Variants in WNT7B observed in about 807,000 individuals in gnomAD.
WNT7B encodes protein Wnt-7b.
A neutral mutation model predicts 38.2 loss-of-function variants in WNT7B; 19 were observed. The ratio of observed to expected loss-of-function variants is 0.50; its 90% CI spans 0.35 to 0.73. The LOEUF (loss-of-function observed/expected upper bound fraction) is 0.73. Ranked by LOEUF, WNT7B falls within the 30% of genes least tolerant of loss-of-function variation. The pLI is 0.01. For missense variants in WNT7B, 423 were observed against 507.9 expected (o/e 0.83, Z 1.61); for synonymous variants, 243 against 209.3 (o/e 1.16, Z -1.39).
chr22:45,926,935 A>C (rs528882500), intron 3 of WNT7B: 2 of 985,404 alleles, frequency 2.0e-6, no homozygotes, highest in East Asian at 2.3e-4. Flanking sequence ...TCAGTCAGGG[A>C]AGGGCTGTGC....
intron 1 of WNT7B, among the ~76,000 whole-genome samples, chr22:45,957,215 G>A (rs1472100013): frequency 6.6e-6 from 1 of 152,042 alleles, no homozygotes; most frequent in Non-Finnish European, 1.5e-5. Context: ...AGCAGAGGGA[G>A]CCTGCCTGTA....
chr22:45,956,575 T>C lies in WNT7B; in HGVS notation c.72-6429A>G, dbSNP rs144113396. The stretch of plus-strand genomic sequence containing the variant: ...CCCTGCAACCCAGCAATCTCTCTCC[T>C]GTACCCAGGAAAAACCCGTGCATGT... On this transcript the variant is annotated intron_variant, in intron 1 of 3. Coordinates refer to ENST00000339464, the MANE Select transcript of WNT7B (RefSeq NM_058238.3). 4.3e-3 allele frequency among the ~76,000 whole-genome samples: 660 copies of C among 152,298 alleles called. 5 individuals are homozygous for C. The highest frequency in any genetic ancestry group is 0.015 in the African/African-American group (619 of 41,556).
At chr22:45,969,919 A>ACT (rs887510097) in intron 1 of WNT7B, among the ~76,000 whole-genome samples, 5 of 152,100 alleles carry the variant, frequency 3.3e-5, no homozygotes, top group African/African-American at 1.2e-4. Context: ...GTCGGCTGAC[A>ACT]CTCACCCCCA....
Position 45,951,071 on chromosome 22 carries a change from ATTTG to A in WNT7B, c.72-929_72-926del, listed in dbSNP as rs957846773. 3.9e-5 allele frequency among the ~76,000 whole-genome samples: 6 copies of A among 152,088 alleles called. No homozygotes were observed. Among genetic ancestry groups the A allele is most frequent in the Admixed American group, 1.3e-4 (2 of 15,272 alleles). On this transcript the variant is annotated intron_variant, in intron 1 of 3. Transcript: ENST00000339464. The surrounding 1 kb of genome is among the most constrained non-coding windows in gnomAD (Gnocchi z 4.8). ...ATATCAGCGGGATTGTCATTTGTTC[ATTTG>A]TTTGTTTGTTTTGAGACAGAGTTTC...
At chr22:45,952,822 C>T (rs926933407) in intron 1 of WNT7B, among the ~76,000 whole-genome samples, 3 of 152,216 alleles carry the variant, frequency 2.0e-5, no homozygotes, top group African/African-American at 4.8e-5. Flanking sequence ...TGACCAAGTC[C>T]GTCTGCTCAA....
intron 1 of WNT7B, among the ~76,000 whole-genome samples, chr22:45,950,967 G>A (rs1931919147): frequency 6.6e-6 from 1 of 152,222 alleles, no homozygotes; most frequent in Admixed American, 6.5e-5. Context: ...GGGGAACTTT[G>A]TCATTAATCT....
At chr22:45,970,212 G>GGCAAGTCA (rs1932403310) in intron 1 of WNT7B, among the ~76,000 whole-genome samples, 1 of 152,192 alleles carries the variant, frequency 6.6e-6, no homozygotes, top group South Asian at 2.1e-4. Flanking sequence ...AGCTACTGAG[G>GGCAAGTCA]GCAAGTCAGG....
At chr22:45,945,557 T>C (rs1931774844) in intron 2 of WNT7B, among the ~76,000 whole-genome samples, 1 of 152,226 alleles carries the variant, frequency 6.6e-6, no homozygotes, top group Admixed American at 6.5e-5. Context: ...CCACACCATA[T>C]TACAAACACT....
Position 45,922,908 on chromosome 22 carries a change from A to G in WNT7B, c.998T>C (p.Phe333Ser), listed in dbSNP as rs751452947. 2.8e-5 allele frequency: 45 copies of G among 1,611,934 alleles called. No individual in the cohort carries two copies. The East Asian group carries it at 9.6e-4, about 34-fold the overall frequency. The change falls in exon 4 of 4, where the codon TTC (phenylalanine) becomes TCC (serine). Residue 333 changes from phenylalanine (F) to serine (S), a missense_variant. Physicochemically the swap from Phe to Ser is radical, Grantham distance 155. This residue lies in a region of WNT7B where 158 missense variants were observed against 214.7 expected (regional missense o/e 0.74). Transcript: ENST00000339464. ...CTCGCTGCAGGTGTTGCACTTGACGAAGCAGCACCAGTGGAATTTGCAGTT... is the reference window on the plus strand; with the variant it reads ...CTCGCTGCAGGTGTTGCACTTGACGGAGCAGCACCAGTGGAATTTGCAGTT... Reference protein sequence around the residue: ...QCNCKFHWCCFVKCNTCSERT... With the variant: ...QCNCKFHWCCSVKCNTCSERT...
rs1930932325 is a variant in WNT7B at position 45,921,672 on chromosome 22, G to A, written c.*1184C>T. ...GGGAAGGGGGTCTCTGTAAACTGGA[G>A]GTGCCAGGCCGGGAGGGTGACAGGA... On this transcript the variant is annotated 3_prime_UTR_variant, in exon 4 of 4. Transcript: ENST00000339464. The A allele has an allele frequency of 1.3e-5, 2 of 152,288 alleles. No homozygotes were observed. The highest frequency in any genetic ancestry group is 2.9e-5 in the Non-Finnish European group (2 of 68,070). The allele number at this position is 152,288 out of a possible 1,614,324, so 9.4% of individuals were successfully genotyped here. A position where few individuals can be genotyped will look rare whatever the true frequency, so the allele number is the denominator to read the frequency against.
chr22:45,944,687 C>T (rs1931752148), intron 2 of WNT7B, among the ~76,000 whole-genome samples: 1 of 152,242 alleles, frequency 6.6e-6, no homozygotes, highest in African/African-American at 2.4e-5. Context: ...CATTGCCTCC[C>T]GGCCTGGCCC....
At position 45,931,314 on chromosome 22, in the gene WNT7B, G is replaced by T. The variant is rs372049080; in HGVS notation, c.354C>A (p.Ala118=). Residue 118 remains alanine (A), a synonymous_variant, in exon 3 of 4, where the codon GCC becomes GCA. Transcript: ENST00000339464. The part of the protein sequence containing the change: ...YAITAAGVAH[A]VTAACSQGNL... ...TCCCTTGGCTGCAGGCAGCGGTGAC[G>T]GCGTGCGCCACGCCAGCCGCGGTGA... 6.3e-7 allele frequency: 1 copy of T among 1,597,158 alleles called. No homozygotes were observed. Among genetic ancestry groups the T allele is most frequent in the Non-Finnish European group, 8.5e-7 (1 of 1,178,960 alleles).
At chr22:45,972,257 CG>C in intron 1 of WNT7B, 1 of 626,846 alleles carries the variant, frequency 1.6e-6, no homozygotes, top group Non-Finnish European at 2.9e-6. Flanking sequence ...GCGTGCCTGG[CG>C]GGGCTGAACA....
At position 45,954,815 on chromosome 22, in the gene WNT7B, C is replaced by T. The variant is rs1044816988; in HGVS notation, c.72-4669G>A. On this transcript the variant is annotated intron_variant, in intron 1 of 3. Transcript: ENST00000339464. ...CCCATTCTGAGGGTTAACTCTGGGC[C>T]GTTGGGACCTCAGACCTCACCTATG... is the stretch of plus-strand genomic sequence containing the variant. The T allele has an allele frequency of 2.5e-5, 24 of 960,656 alleles. No individual in the cohort carries two copies. The East Asian group carries it at 3.5e-4, about 14-fold the overall frequency. The allele number at this position is 960,656 out of a possible 1,614,324, so 59.5% of individuals were successfully genotyped here.
At chr22:45,973,173 C>T (rs1210883338) in intron 1 of WNT7B, among the ~76,000 whole-genome samples, 5 of 152,270 alleles carry the variant, frequency 3.3e-5, no homozygotes, top group Admixed American at 2.0e-4. Flanking sequence ...TTTTGCTCTC[C>T]TTTGAGCGGT....
chr22:45,928,972 C>T (rs1427542931), intron 3 of WNT7B, among the ~76,000 whole-genome samples: 1 of 117,894 alleles, frequency 8.5e-6, no homozygotes, highest in Non-Finnish European at 1.8e-5. Flanking sequence ...CAAGCAGGGA[C>T]CCGAGCTTAA....
chr22:45,939,632 A>AACACACACACAC (rs56152359), intron 2 of WNT7B, among the ~76,000 whole-genome samples: 4,833 of 144,748 alleles, frequency 0.033, 219 homozygotes, highest in African/African-American at 0.087. Flanking sequence ...TGTCTCTACA[A>AACACACACACAC]ACACACACAC....
At position 45,949,975 on chromosome 22, in the gene WNT7B, G is replaced by A. The variant is rs760026180; in HGVS notation, c.243C>T (p.Arg81=). ...TCTCGCCGAGGGCAGAGCAGTTCCA[G>A]CGTCCGAAGCGGAACTGGTACTGGC... ...NECQYQFRFG[R]WNCSALGEKT... The change falls in exon 2 of 4, where the codon CGC becomes CGT. Residue 81 remains arginine, a synonymous_variant. Coordinates refer to ENST00000339464, the MANE Select transcript of WNT7B (RefSeq NM_058238.3). 1 of 1,613,772 alleles carries A rather than the reference G, an allele frequency of 6.2e-7. No individual in the cohort carries two copies. The highest frequency in any genetic ancestry group is 8.5e-7 in the Non-Finnish European group (1 of 1,179,952).
chr22:45,947,678 GGAA>G (rs1931829282), intron 2 of WNT7B, among the ~76,000 whole-genome samples: 1 of 152,214 alleles, frequency 6.6e-6, no homozygotes, highest in Non-Finnish European at 1.5e-5. Flanking sequence ...CAGAAGCCAG[GGAA>G]GAAGGGGAAA....
Sources: allele counts gnomAD v4.1 joint callset (sites outside exome capture counted in the v4.1 genomes callset), GRCh38; gene constraint gnomAD v4.1.1; regional missense constraint gnomAD v4.1.1; non-coding constraint Gnocchi (gnomAD v3.1); transcripts MANE v1.5; gene names NCBI Gene and HGNC (gene_info 2026-07-23, HGNC 2026-07-21).